Variants in MAP2K5 observed in about 807,000 individuals in gnomAD.
MAP2K5 encodes mitogen-activated protein kinase kinase 5, also known as dual specificity mitogen-activated protein kinase kinase 5.
In MAP2K5, 49 loss-of-function variants were observed where a neutral mutation model predicts 83.1. The observed-to-expected ratio is 0.59, with a 90% CI of 0.47 to 0.75. The LOEUF is 0.75. Ranked by LOEUF, MAP2K5 falls within the 30% of genes least tolerant of loss-of-function variation. The probability of loss-of-function intolerance (pLI) is 0.00; values close to 1 mark genes in which losing one functional copy is unlikely to be tolerated. For missense variants in MAP2K5, 457 were observed against 557.5 expected, an observed-to-expected ratio of 0.82 and a Z score of 1.82; for synonymous variants, 202 against 191.8, an observed-to-expected ratio of 1.05 and a Z score of -0.44.
rs2089875065 is a variant in MAP2K5, at chr15:67,758,074, G to A, written c.1134+9473G>A. 6.6e-6 allele frequency among the ~76,000 whole-genome samples: 1 copy of A among 152,184 alleles called. No individual in the cohort carries two copies. Among genetic ancestry groups the A allele is most frequent in the South Asian group, 2.1e-4 (1 of 4,838 alleles). On this transcript the variant is annotated intron_variant, in intron 19 of 21. Transcript: ENST00000178640. The surrounding 1 kb of genome is among the most constrained non-coding windows in gnomAD (Gnocchi z 4.7). ...ACCCCATGCTTAGAGGTATTTGTAGGGGAGGGAGGATGGGGAGACTGAAAG... is the reference window on the plus strand; with the variant it reads ...ACCCCATGCTTAGAGGTATTTGTAGAGGAGGGAGGATGGGGAGACTGAAAG...
At chr15:67,800,792 C>T (rs1305076175) in intron 21 of MAP2K5, among the ~76,000 whole-genome samples, 1 of 152,132 alleles carries the variant, frequency 6.6e-6, no homozygotes, top group African/African-American at 2.4e-5. Context: ...ATGTGTACGT[C>T]CTAAGTGGAC....
intron 19 of MAP2K5, among the ~76,000 whole-genome samples, chr15:67,767,726 T>C (rs764214260): frequency 6.6e-6 from 1 of 152,222 alleles, no homozygotes; most frequent in Non-Finnish European, 1.5e-5. Context: ...GGCCATTTTA[T>C]ATACCTTTAT....
chr15:67,712,895 C>T (rs1166672753), intron 16 of MAP2K5, among the ~76,000 whole-genome samples: 3 of 149,964 alleles, frequency 2.0e-5, no homozygotes, highest in Non-Finnish European at 3.0e-5. Flanking sequence ...TCCGCCTGGG[C>T]GACAGAGCAG....
chr15:67,628,083 G>C, intron 8 of MAP2K5: 2 of 750,834 alleles, frequency 2.7e-6, no homozygotes, highest in South Asian at 2.7e-5. Context: ...GCCACGCAAG[G>C]TGGACGGAAG....
chr15:67,737,658 CGAG>C (rs1169922278), intron 17 of MAP2K5, among the ~76,000 whole-genome samples: 1 of 151,838 alleles, frequency 6.6e-6, no homozygotes, highest in African/African-American at 2.4e-5. Flanking sequence ...CCAGAGACCA[CGAG>C]GAGCTAGGAA....
chr15:67,554,425 G>A (rs2084583326), intron 2 of MAP2K5, among the ~76,000 whole-genome samples: 3 of 152,166 alleles, frequency 2.0e-5, no homozygotes, highest in South Asian at 2.1e-4. Context: ...AAAAGAAATG[G>A]TGTTATAGTT....
intron 4 of MAP2K5, among the ~76,000 whole-genome samples, chr15:67,583,939 A>G (rs8028912): frequency 0.12 from 17,422 of 151,496 alleles, 1,158 homozygotes; most frequent in East Asian, 0.2. Context: ...AATAGCGACA[A>G]GGTATCACAG....
intron 13 of MAP2K5, among the ~76,000 whole-genome samples, chr15:67,685,343 C>T (rs1022812338): frequency 3.3e-5 from 5 of 152,246 alleles, no homozygotes; most frequent in African/African-American, 1.2e-4. Context: ...GAATTCTGTG[C>T]CCAGCAAATA....
Position 67,668,951 on chromosome 15 carries a change from G to A in MAP2K5, c.847+4306G>A, listed in dbSNP as rs2087456178. 6.6e-6 allele frequency among the ~76,000 whole-genome samples: 1 copy of A among 152,110 alleles called. No individual in the cohort carries two copies. The highest frequency in any genetic ancestry group is 1.5e-5 in the Non-Finnish European group (1 of 68,000). On this transcript the variant is annotated intron_variant, in intron 13 of 21. Coordinates refer to ENST00000178640, the MANE Select transcript of MAP2K5 (RefSeq NM_145160.3). This position sits in a 1 kb window ranked among gnomAD's most constrained non-coding sequence, Gnocchi z 4.0. ...TTTTGCAGAAATTCTGTAGGAAAAT[G>A]CTGGCCAGATAGATTTGTGTTTAAA...
chr15:67,773,523 G>A (rs1173830182), intron 21 of MAP2K5, among the ~76,000 whole-genome samples: 1 of 152,136 alleles, frequency 6.6e-6, no homozygotes, highest in Non-Finnish European at 1.5e-5. Context: ...TAAACAATAT[G>A]CATTTTACAG....
At chr15:67,713,104 C>CTT (rs2088735541) in intron 16 of MAP2K5, among the ~76,000 whole-genome samples, 2 of 152,058 alleles carry the variant, frequency 1.3e-5, no homozygotes, top group African/African-American at 4.8e-5. Flanking sequence ...TACAAGATTG[C>CTT]CCTTCTCTTA....
intron 8 of MAP2K5, among the ~76,000 whole-genome samples, chr15:67,626,464 A>T (rs1157349305): frequency 6.6e-6 from 1 of 151,706 alleles, no homozygotes; most frequent in Admixed American, 6.6e-5. Context: ...GTTTCGGAGG[A>T]TGCAGTGAGC....
intron 3 of MAP2K5, among the ~76,000 whole-genome samples, chr15:67,576,287 T>TA (rs2085063275): frequency 6.8e-6 from 1 of 147,616 alleles, no homozygotes; most frequent in Non-Finnish European, 1.5e-5. Context: ...TCAAGTTTTT[T>TA]AAAAAATATG....
chr15:67,772,213 T>A (rs1054069310), intron 20 of MAP2K5, among the ~76,000 whole-genome samples: 14 of 152,234 alleles, frequency 9.2e-5, no homozygotes, highest in African/African-American at 3.4e-4. Flanking sequence ...CTGACCTGTT[T>A]TATATACTTC....
chr15:67,685,693 T>C (rs1027530382), intron 13 of MAP2K5, among the ~76,000 whole-genome samples: 10 of 152,254 alleles, frequency 6.6e-5, no homozygotes, highest in African/African-American at 2.4e-4. Flanking sequence ...TTGTACATTA[T>C]AAATGAAATA....
chr15:67,701,868 G>A (rs894798863), intron 15 of MAP2K5, among the ~76,000 whole-genome samples: 1 of 152,182 alleles, frequency 6.6e-6, no homozygotes, highest in African/African-American at 2.4e-5. Flanking sequence ...TGTGGGGTCA[G>A]TTTGACTCAC....
chr15:67,546,552 G>A (rs1291524085), intron 1 of MAP2K5: 4 of 983,986 alleles, frequency 4.1e-6, no homozygotes, highest in South Asian at 4.7e-5. Context: ...ATCAGGGACT[G>A]GCTGAACTAT....
At chr15:67,575,325 C>T (rs935221898) in intron 3 of MAP2K5, among the ~76,000 whole-genome samples, 3 of 145,902 alleles carry the variant, frequency 2.1e-5, no homozygotes, top group East Asian at 4.0e-4. Context: ...TACAGGAAAC[C>T]GAATGGAGTG....
intron 17 of MAP2K5, among the ~76,000 whole-genome samples, chr15:67,739,022 G>C (rs2089408349): frequency 6.6e-6 from 1 of 152,120 alleles, no homozygotes; most frequent in Non-Finnish European, 1.5e-5. Context: ...GCTCAAACCT[G>C]TAATCCTAGC....
Sources: gnomAD v4.1 joint callset for allele counts (sites outside exome capture counted in the v4.1 genomes callset) on GRCh38, gnomAD v4.1.1 for gene constraint, Gnocchi (gnomAD v3.1) non-coding constraint, MANE v1.5 for transcripts, NCBI Gene and HGNC (gene_info 2026-07-23, HGNC 2026-07-21) for gene names.